The following VAT1L variants were observed in gnomAD, a reference collection of about 807,000 sequenced individuals.
The protein encoded by VAT1L is putative NADPH-dependent quinone oxidoreductase VAT1L.
VAT1L carries 34 observed loss-of-function variants against 44.1 expected under a neutral mutation model. The ratio of observed to expected loss-of-function variants is 0.77; its 90% CI spans 0.59 to 1.03. The LOEUF (loss-of-function observed/expected upper bound fraction) is 1.03. Ranked by LOEUF, VAT1L falls within the 50% of genes least tolerant of loss-of-function variation. The pLI is 0.00. For synonymous variants in VAT1L, 253 were observed against 202.2 expected, an observed-to-expected ratio of 1.25 and a Z score of -2.13; for missense variants, 615 against 538.8, an observed-to-expected ratio of 1.14 and a Z score of -1.40.
At chr16:77,872,439 C>A in intron 4 of VAT1L, among the ~76,000 whole-genome samples, 1 of 152,092 alleles carries the variant, frequency 6.6e-6, no homozygotes. Context: ...TGAAAACAGA[C>A]CTGGGGAGAA....
At chr16:77,888,630 G>A (rs754953011) in intron 7 of VAT1L, among the ~76,000 whole-genome samples, 1 of 152,162 alleles carries the variant, frequency 6.6e-6, no homozygotes, top group Non-Finnish European at 1.5e-5. Flanking sequence ...TTTTTTTGCT[G>A]GGTAGGGAGG....
At chr16:77,912,279 G>C (rs1346206402) in intron 7 of VAT1L, among the ~76,000 whole-genome samples, 1 of 152,166 alleles carries the variant, frequency 6.6e-6, no homozygotes, top group Non-Finnish European at 1.5e-5. Flanking sequence ...ATCAAGGTAG[G>C]GGTGAAGTTA....
At chr16:77,926,530 G>A (rs1384439399) in intron 7 of VAT1L, among the ~76,000 whole-genome samples, 1 of 152,096 alleles carries the variant, frequency 6.6e-6, no homozygotes, top group East Asian at 1.9e-4. Flanking sequence ...GTTGCCATGA[G>A]CTGAGACTGC....
chr16:77,933,147 G>A (rs1025508840), intron 7 of VAT1L, among the ~76,000 whole-genome samples: 1 of 152,172 alleles, frequency 6.6e-6, no homozygotes, highest in Non-Finnish European at 1.5e-5. Context: ...AAATTAATGT[G>A]ATGGAATACT....
chr16:77,973,732 G>C (rs1411207524), intron 8 of VAT1L, among the ~76,000 whole-genome samples: 1 of 148,894 alleles, frequency 6.7e-6, no homozygotes, highest in African/African-American at 2.5e-5. Flanking sequence ...GTGTTTTTTT[G>C]TTTGTTTGTT....
chr16:77,943,768 T>C (rs575838490), intron 7 of VAT1L, among the ~76,000 whole-genome samples: 18 of 152,246 alleles, frequency 1.2e-4, no homozygotes, highest in Non-Finnish European at 2.6e-4. Flanking sequence ...TCACTTAGCC[T>C]CTAAGGAATG....
intron 7 of VAT1L, among the ~76,000 whole-genome samples, chr16:77,953,923 T>A (rs2018073382): frequency 6.6e-6 from 1 of 152,246 alleles, no homozygotes; most frequent in South Asian, 2.1e-4. Flanking sequence ...ACTTTGCTTC[T>A]GAGTTTTCTG....
At chr16:77,831,419 G>C (rs566201050) in intron 3 of VAT1L, among the ~76,000 whole-genome samples, 6 of 152,212 alleles carry the variant, frequency 3.9e-5, no homozygotes, top group African/African-American at 7.2e-5. Context: ...ATTACTCCTG[G>C]CCAAATATTT....
Position 77,884,798 on chromosome 16 carries a change from A to T in VAT1L, c.1073A>T (p.Glu358Val). ...GTGGTGGACTCCTTGTGGGCTCTGG[A>T]GGAGGTAAGAATGGTGCTTTTCTTC... is the stretch of plus-strand genomic sequence containing the variant. ...KPVVDSLWALEEVKEAMQRIH... is the reference protein window; with the variant it reads ...KPVVDSLWALVEVKEAMQRIH... Residue 358 changes from glutamate to valine, a missense_variant, in exon 7 of 9, where the codon GAG (glutamate) becomes GTG (valine). Transcript: ENST00000302536. The surrounding 1 kb of genome is among the most constrained non-coding windows in gnomAD (Gnocchi z 4.5). The T allele has an allele frequency of 6.7e-7, 1 of 1,497,994 alleles. No individual in the cohort carries two copies. The highest frequency in any genetic ancestry group is 1.4e-5 in the South Asian group (1 of 72,572). 92.8% of individuals were successfully genotyped at this position (1,497,994 alleles called of 1,614,324 possible). A position where few individuals can be genotyped will look rare whatever the true frequency, so the allele number is the denominator to read the frequency against.
At position 77,963,187 on chromosome 16, in the gene VAT1L, A is replaced by C. The variant is rs922826701; in HGVS notation, c.1078-8663A>C. ...ACCACGCAAACGTGCCCACATCCTCATCCCCAGAACCTGTGAATCTGGTAC... is the reference window on the plus strand; with the variant it reads ...ACCACGCAAACGTGCCCACATCCTCCTCCCCAGAACCTGTGAATCTGGTAC... On this transcript the variant is annotated intron_variant, in intron 7 of 8. Transcript: ENST00000302536. Among the ~76,000 whole-genome samples the C allele has an allele frequency of 2.6e-5, 4 of 152,196 alleles. No homozygotes were observed. In the East Asian group the frequency reaches 5.8e-4, roughly 22 times the overall value.
intron 3 of VAT1L, among the ~76,000 whole-genome samples, chr16:77,832,519 A>G (rs2016591442): frequency 6.6e-6 from 1 of 152,166 alleles, no homozygotes; most frequent in Non-Finnish European, 1.5e-5. Flanking sequence ...GGCTCAGATG[A>G]GATTTTCTTG....
At chr16:77,955,939 G>A (rs1444542598) in intron 7 of VAT1L, among the ~76,000 whole-genome samples, 4 of 152,116 alleles carry the variant, frequency 2.6e-5, no homozygotes, top group Non-Finnish European at 4.4e-5. Flanking sequence ...TGTATGAAGC[G>A]GGGTCTAAAG....
At chr16:77,828,462 G>A (rs1038232171) in intron 3 of VAT1L, among the ~76,000 whole-genome samples, 2 of 152,140 alleles carry the variant, frequency 1.3e-5, no homozygotes, top group Non-Finnish European at 2.9e-5. Flanking sequence ...TCGGGAGTTC[G>A]AGACCAGCCT....
At position 77,932,102 on chromosome 16, in the gene VAT1L, ATTT is replaced by A. The variant is rs33928206; in HGVS notation, c.1078-39731_1078-39729del. ...CATTATATAAGCCTGAAATACAGTA[ATTT>A]TTTTTTTTTTTTTTTTGAGATGGAG... On this transcript the variant is annotated intron_variant, in intron 7 of 8. Coordinates refer to ENST00000302536, the MANE Select transcript of VAT1L (RefSeq NM_020927.3). Among the ~76,000 whole-genome samples, 302 of 126,602 alleles carry A rather than the reference ATTT, an allele frequency of 2.4e-3. 1 individual carries two copies. The highest frequency in any genetic ancestry group is 8.3e-3 in the African/African-American group (280 of 33,832). The allele number at this position is 126,602 out of a possible 152,430, so 83.1% of individuals were successfully genotyped here. A position where few individuals can be genotyped will look rare whatever the true frequency, so the allele number is the denominator to read the frequency against.
At chr16:77,827,856 A>G (rs2016540780) in intron 3 of VAT1L, among the ~76,000 whole-genome samples, 1 of 152,170 alleles carries the variant, frequency 6.6e-6, no homozygotes, top group South Asian at 2.1e-4. Flanking sequence ...AGTAAATGCA[A>G]CTGTTTCCAT....
intron 7 of VAT1L, among the ~76,000 whole-genome samples, chr16:77,890,921 C>T (rs1479702995): frequency 6.8e-4 from 9 of 13,210 alleles, no homozygotes; most frequent in South Asian, 6.0e-3. Flanking sequence ...AAGACCCTGT[C>T]GAAAAAAAAA....
Position 77,788,823 on chromosome 16 carries a change from G to C in VAT1L, c.141G>C (p.Leu47=). The C allele has an allele frequency of 6.3e-7, 1 of 1,578,908 alleles. No homozygotes were observed. The highest frequency in any genetic ancestry group is 8.6e-7 in the Non-Finnish European group (1 of 1,163,528). The change falls in exon 1 of 9, where the codon CTG becomes CTC. Residue 47 remains leucine, a synonymous_variant. Coordinates refer to ENST00000302536, the MANE Select transcript of VAT1L (RefSeq NM_020927.3). ...CCCAGGAGATGCGCGCGGTGGTGCTGGCTGGCTTCGGGGGGCTCAACAAGC... is the reference window on the plus strand; with the variant it reads ...CCCAGGAGATGCGCGCGGTGGTGCTCGCTGGCTTCGGGGGGCTCAACAAGC... The part of the protein sequence containing the change: ...GDAQEMRAVV[L]AGFGGLNKLR...
chr16:77,817,848 T>C (rs2016382526), intron 2 of VAT1L, among the ~76,000 whole-genome samples: 1 of 152,002 alleles, frequency 6.6e-6, no homozygotes, highest in Non-Finnish European at 1.5e-5. Context: ...CCAATGCAAA[T>C]CAGGTACAAG....
intron 4 of VAT1L, among the ~76,000 whole-genome samples, chr16:77,863,472 G>C (rs751601220): frequency 1.3e-5 from 2 of 152,222 alleles, no homozygotes; most frequent in Non-Finnish European, 2.9e-5. Flanking sequence ...AGAAAGGCCT[G>C]GCACTGGCAG....
Sources: gnomAD v4.1 joint callset for allele counts (sites outside exome capture counted in the v4.1 genomes callset) on GRCh38, gnomAD v4.1.1 for gene constraint, Gnocchi (gnomAD v3.1) non-coding constraint, MANE v1.5 for transcripts, NCBI Gene and HGNC (gene_info 2026-07-23, HGNC 2026-07-21) for gene names.